SETBP1: variants seen among roughly 807,000 people sequenced by gnomAD.
The protein encoded by SETBP1 is SET-binding protein.
Under a neutral mutation model 101.0 loss-of-function variants are expected in SETBP1, and 9 were observed. The observed-to-expected ratio is 0.09, with a 90% CI of 0.05 to 0.16. SETBP1 has a LOEUF of 0.16. SETBP1 is among the 10% of genes least tolerant of loss of function. The pLI, the probability that SETBP1 is intolerant of heterozygous loss-of-function variation, is 1.00. For synonymous variants in SETBP1, 818 were observed against 788.5 expected, an observed-to-expected ratio of 1.04 and a Z score of -0.63; for missense variants, 1,858 against 2,033.8, an observed-to-expected ratio of 0.91 and a Z score of 1.66.
Position 44,711,426 on chromosome 18 carries a change from C to CCCTTCTTTCCTCCCTTCCTT in SETBP1, c.486+9599_486+9600insTTTCCTCCCTTCCTTCCTTC, listed in dbSNP as rs1246582134. ...TCCCTTCCTCCCTCCCTCCCTTTCTCCCTTCCTTCCTCCCTTCCTTCCTTT... is the reference window on the plus strand; with the variant it reads ...TCCCTTCCTCCCTCCCTCCCTTTCTCCCTTCTTTCCTCCCTTCCTTCCTTCCTTCCTCCCTTCCTTCCTTT... On this transcript the variant is annotated intron_variant, in intron 2 of 5. Coordinates refer to ENST00000649279, the MANE Select transcript of SETBP1 (RefSeq NM_015559.3). Among the ~76,000 whole-genome samples the CCCTTCTTTCCTCCCTTCCTT allele has an allele frequency of 1.4e-3, 197 of 141,540 alleles. 2 individuals are homozygous for CCCTTCTTTCCTCCCTTCCTT. The highest frequency in any genetic ancestry group is 4.8e-3 in the African/African-American group (181 of 37,646). The allele number at this position is 141,540 out of a possible 152,430, so 92.9% of individuals were successfully genotyped here.
chr18:44,761,839 A>T (rs2070655974), intron 2 of SETBP1, among the ~76,000 whole-genome samples: 1 of 152,196 alleles, frequency 6.6e-6, no homozygotes, highest in South Asian at 2.1e-4. Context: ...AAGGGGAGAA[A>T]ATCAAGGCAA....
In SETBP1 at chr18:45,043,439, G is replaced by GA. The variant is rs34933092; in HGVS notation, c.4171+4796dup. 7.2e-4 allele frequency among the ~76,000 whole-genome samples: 99 copies of GA among 137,824 alleles called. No individual in the cohort carries two copies. In the South Asian group the frequency reaches 9.9e-3, roughly 14 times the overall value. 90.4% of individuals were successfully genotyped at this position (137,824 alleles called of 152,430 possible). ...CATTCTCTCATCTTAAGTCCAAGGA[G>GA]AAAAAAAAAAAAGCAAACATGTATC... On this transcript the variant is annotated intron_variant, in intron 5 of 5. Coordinates refer to ENST00000649279, the MANE Select transcript of SETBP1 (RefSeq NM_015559.3).
chr18:45,007,309 T>G (rs1469541235), intron 4 of SETBP1, among the ~76,000 whole-genome samples: 1 of 152,208 alleles, frequency 6.6e-6, no homozygotes, highest in African/African-American at 2.4e-5. Flanking sequence ...TAGATGGGTG[T>G]TTTTTCATTT....
At chr18:44,930,214 T>C (rs2070797741) in intron 3 of SETBP1, among the ~76,000 whole-genome samples, 1 of 152,244 alleles carries the variant, frequency 6.6e-6, no homozygotes, top group Non-Finnish European at 1.5e-5. Flanking sequence ...TTGTCTTTGA[T>C]TCTGTTTATA....
At chr18:44,804,504 C>T (rs867548443) in intron 2 of SETBP1, among the ~76,000 whole-genome samples, 1 of 152,084 alleles carries the variant, frequency 6.6e-6, no homozygotes, top group South Asian at 2.1e-4. Flanking sequence ...CGAAAGTAAT[C>T]CTGTGGCTAA....
chr18:45,006,590 G>T (rs559071141), intron 4 of SETBP1, among the ~76,000 whole-genome samples: 1 of 152,104 alleles, frequency 6.6e-6, no homozygotes, highest in African/African-American at 2.4e-5. Flanking sequence ...TGTATGCATC[G>T]CCCCTAACTC....
intron 4 of SETBP1, among the ~76,000 whole-genome samples, chr18:44,974,967 C>A (rs2071953690): frequency 6.6e-6 from 1 of 152,304 alleles, no homozygotes; most frequent in Middle Eastern, 3.4e-3. Context: ...CCTTTGTGAA[C>A]ATGTAGACCT....
At chr18:44,989,227 A>G (rs1478471296) in intron 4 of SETBP1, 2 of 152,210 alleles carry the variant, frequency 1.3e-5, no homozygotes, top group Non-Finnish European at 2.9e-5. Context: ...CATCAAAAGA[A>G]TAAGTACAAC....
chr18:44,752,890 G>T (rs376914166), intron 2 of SETBP1, among the ~76,000 whole-genome samples: 1 of 152,128 alleles, frequency 6.6e-6, no homozygotes, highest in Non-Finnish European at 1.5e-5. Flanking sequence ...GTGCATTTAA[G>T]TGTTTTCTTG....
chr18:45,042,450 A>G (rs1320286168), intron 5 of SETBP1, among the ~76,000 whole-genome samples: 1 of 152,190 alleles, frequency 6.6e-6, no homozygotes, highest in Non-Finnish European at 1.5e-5. Flanking sequence ...TTAAATGGAA[A>G]TCATTTGACA....
intron 2 of SETBP1, among the ~76,000 whole-genome samples, chr18:44,797,719 G>A (rs146748068): frequency 6.6e-5 from 10 of 152,284 alleles, no homozygotes; most frequent in African/African-American, 2.4e-4. Context: ...AAAACAGAAA[G>A]TGCATGAACC....
intron 4 of SETBP1, among the ~76,000 whole-genome samples, chr18:44,980,498 A>G (rs917012066): frequency 2.6e-5 from 4 of 151,852 alleles, no homozygotes; most frequent in African/African-American, 9.7e-5. Flanking sequence ...AAAAAAAAAA[A>G]TCTAGTCTCT....
chr18:44,964,856 T>C (rs2071687093), intron 4 of SETBP1, among the ~76,000 whole-genome samples: 1 of 152,206 alleles, frequency 6.6e-6, no homozygotes, highest in Admixed American at 6.5e-5. Context: ...GCCAGGTCTT[T>C]TCAGTTTTCT....
At chr18:44,892,021 T>C (rs1048064449) in intron 3 of SETBP1, among the ~76,000 whole-genome samples, 4 of 152,200 alleles carry the variant, frequency 2.6e-5, no homozygotes, top group Non-Finnish European at 5.9e-5. Context: ...AGAAGTGCTC[T>C]ACTTTGAGAA....
intron 4 of SETBP1, among the ~76,000 whole-genome samples, chr18:45,005,945 CTTTTTTTTT>C (rs1032603185): frequency 1.9e-5 from 2 of 103,156 alleles, no homozygotes; most frequent in African/African-American, 8.1e-5. Flanking sequence ...TGCACCCGGC[CTTTTTTTTT>C]TTTTTTTTTT....
At chr18:44,700,517 G>C (rs956510070) in intron 1 of SETBP1, among the ~76,000 whole-genome samples, 4 of 152,158 alleles carry the variant, frequency 2.6e-5, no homozygotes, top group African/African-American at 9.7e-5. Flanking sequence ...TAATCACAGT[G>C]TTATAAGTGA....
chr18:44,777,584 C>T (rs1320662593), intron 2 of SETBP1, among the ~76,000 whole-genome samples: 1 of 152,106 alleles, frequency 6.6e-6, no homozygotes, highest in Non-Finnish European at 1.5e-5. Context: ...TTCTGCTCAC[C>T]CCTTCAGAGC....
At chr18:44,916,671 T>A (rs1216652814) in intron 3 of SETBP1, among the ~76,000 whole-genome samples, 2 of 128,732 alleles carry the variant, frequency 1.6e-5, no homozygotes, top group Admixed American at 1.5e-4. Context: ...GAGAGAATAT[T>A]TTCTGAGCAG....
intron 2 of SETBP1, among the ~76,000 whole-genome samples, chr18:44,851,583 T>A (rs1347598332): frequency 6.6e-6 from 1 of 152,222 alleles, no homozygotes; most frequent in South Asian, 2.1e-4. Flanking sequence ...TGACTTCCTT[T>A]GTCCCTTTCT....
Sources: allele counts gnomAD v4.1 joint callset (sites outside exome capture counted in the v4.1 genomes callset), GRCh38; gene constraint gnomAD v4.1.1; transcripts MANE v1.5; gene names NCBI Gene and HGNC (gene_info 2026-07-23, HGNC 2026-07-21).